SMURF2: variants seen among roughly 807,000 people sequenced by gnomAD.
SMURF2 encodes the protein E3 ubiquitin-protein ligase SMURF2.
Under a neutral mutation model 109.6 loss-of-function variants are expected in SMURF2, and 48 were observed. The observed-to-expected ratio is 0.44, with a 90% confidence interval of 0.35 to 0.56. SMURF2 has a LOEUF of 0.56. SMURF2 is among the 20% of genes least tolerant of loss of function. The pLI, the probability that SMURF2 is intolerant of heterozygous loss-of-function variation, is 0.01. For synonymous variants in SMURF2, 288 were observed against 317.1 expected (o/e 0.91, Z 0.97); for missense variants, 575 against 909.0 (o/e 0.63, Z 4.72).
chr17:64,628,002 A>C (rs1970290162), intron 1 of SMURF2, among the ~76,000 whole-genome samples: 1 of 152,166 alleles, frequency 6.6e-6, no homozygotes, highest in Non-Finnish European at 1.5e-5. Context: ...GTACTTTAAC[A>C]GTTTGGAAGT....
At chr17:64,546,412 T>C (rs1428114659) in intron 17 of SMURF2, 74 bp from the exon 18 acceptor site, 12 of 1,332,528 alleles carry the variant, frequency 9.0e-6, no homozygotes, top group Non-Finnish European at 1.2e-5. Context: ...AGAATAAAAC[T>C]GGTAAGTTAA....
At position 64,593,481 on chromosome 17, in the gene SMURF2, C is replaced by T. The variant is rs1555687852; in HGVS notation, c.293G>A (p.Arg98His). The change falls in exon 4 of 19, where the codon CGT becomes CAT. Residue 98 changes from arginine to histidine, a missense_variant. Arg to His is a conservative substitution (Grantham distance 29, BLOSUM62 0). Transcript: ENST00000262435. ...KQGAGFLGCV[R>H]LLSNAINRLK... ...GCGGTTGATGGCATTGGAAAGAAGA[C>T]GAACACAACCGAGAAATCCAGCACC... The T allele has an allele frequency of 1.9e-6, 3 of 1,610,092 alleles. No homozygotes were observed. The highest frequency in any genetic ancestry group is 1.3e-5 in the African/African-American group (1 of 74,868).
rs1471650587 is a variant in SMURF2, at chr17:64,555,442, A to AT, written c.1610+377dup. On this transcript the variant is annotated intron_variant, in intron 14 of 18. Transcript: ENST00000262435. ...ATCAGTTCTTAGCTTAAATTCAACA[A>AT]TTAGTTCTTATTCTAAAAGTACGGT... 3.9e-5 allele frequency among the ~76,000 whole-genome samples: 6 copies of AT among 152,232 alleles called. No homozygotes were observed. The East Asian group carries it at 1.2e-3, about 29-fold the overall frequency.
At chr17:64,623,780 G>C (rs1555690871) in intron 1 of SMURF2, among the ~76,000 whole-genome samples, 1 of 152,164 alleles carries the variant, frequency 6.6e-6, no homozygotes, top group Non-Finnish European at 1.5e-5. Context: ...AAAAATTACT[G>C]ACAAAAATCT....
intron 1 of SMURF2, among the ~76,000 whole-genome samples, chr17:64,627,834 T>C (rs1970287921): frequency 1.3e-5 from 2 of 152,176 alleles, no homozygotes; most frequent in South Asian, 2.1e-4. Flanking sequence ...ACTCAAAAAT[T>C]TGGCTTTTCT....
At chr17:64,646,770 T>C (rs908302162) in intron 1 of SMURF2, among the ~76,000 whole-genome samples, 3 of 152,188 alleles carry the variant, frequency 2.0e-5, no homozygotes, top group Non-Finnish European at 4.4e-5. Context: ...GCCTGACTTA[T>C]GAAAAGATGC....
chr17:64,577,563 A>C (rs1343098109), intron 9 of SMURF2, among the ~76,000 whole-genome samples: 1 of 150,016 alleles, frequency 6.7e-6, no homozygotes, highest in Non-Finnish European at 1.5e-5. Flanking sequence ...TAAAATAAAT[A>C]AATAAATAAA....
intron 1 of SMURF2, among the ~76,000 whole-genome samples, chr17:64,631,279 G>GGGGGAGAGAGA (rs1970338690): frequency 1.3e-4 from 1 of 7,442 alleles, no homozygotes; most frequent in African/African-American, 5.2e-4. Flanking sequence ...AGAGGGGGGG[G>GGGGGAGAGAGA]GGGAGAGAGA....
At chr17:64,586,031 C>T (rs1969646346) in intron 6 of SMURF2, 55 bp downstream of exon 6, 1 of 1,152,750 alleles carries the variant, frequency 8.7e-7, no homozygotes, top group Non-Finnish European at 1.2e-6. Context: ...TATTTCTATT[C>T]TTTTAAGGAT....
At chr17:64,612,509 CAA>C (rs11308871) in intron 1 of SMURF2, among the ~76,000 whole-genome samples, 22 of 127,216 alleles carry the variant, frequency 1.7e-4, no homozygotes, top group African/African-American at 2.8e-4. Flanking sequence ...ACTAAAAATA[CAA>C]AAAAAAAAAA....
At chr17:64,569,609 A>C (rs1388754763) in intron 10 of SMURF2, among the ~76,000 whole-genome samples, 1 of 152,174 alleles carries the variant, frequency 6.6e-6, no homozygotes, top group Admixed American at 6.5e-5. Flanking sequence ...CCTCATCAGT[A>C]ATTAGGAAAA....
chr17:64,621,004 T>C (rs1025614242), intron 1 of SMURF2, among the ~76,000 whole-genome samples: 3 of 152,158 alleles, frequency 2.0e-5, no homozygotes, highest in Non-Finnish European at 2.9e-5. Context: ...GCCCAACTAC[T>C]TATCTAATAA....
At chr17:64,656,817 G>T (rs1270431348) in intron 1 of SMURF2, among the ~76,000 whole-genome samples, 1 of 152,094 alleles carries the variant, frequency 6.6e-6, no homozygotes, top group Non-Finnish European at 1.5e-5. Flanking sequence ...CAGTCTTCAT[G>T]GTTCCCATTC....
chr17:64,622,600 C>T (rs1278656927), intron 1 of SMURF2, among the ~76,000 whole-genome samples: 3 of 152,006 alleles, frequency 2.0e-5, no homozygotes, highest in East Asian at 1.9e-4. Flanking sequence ...CATGATTAGA[C>T]GGGGTTTATG....
chr17:64,647,473 C>A (rs1970574424), intron 1 of SMURF2, among the ~76,000 whole-genome samples: 1 of 151,906 alleles, frequency 6.6e-6, no homozygotes, highest in Admixed American at 6.6e-5. Context: ...AGGTCAGGAG[C>A]TTGAGACCAG....
intron 2 of SMURF2, among the ~76,000 whole-genome samples, chr17:64,604,132 T>C (rs1555688839): frequency 6.6e-6 from 1 of 152,198 alleles, no homozygotes; most frequent in Non-Finnish European, 1.5e-5. Flanking sequence ...AGTATACATG[T>C]AAATCTACCA....
intron 9 of SMURF2, among the ~76,000 whole-genome samples, chr17:64,575,450 G>A (rs782545489): frequency 7.9e-5 from 12 of 151,758 alleles, no homozygotes; most frequent in Non-Finnish European, 1.2e-4. Context: ...ACCGAGCCCG[G>A]CCCCCACTAC....
At chr17:64,661,510 G>A (rs1323632187) in intron 1 of SMURF2, among the ~76,000 whole-genome samples, 5 of 152,102 alleles carry the variant, frequency 3.3e-5, no homozygotes, top group Non-Finnish European at 7.4e-5. Context: ...TAGCCCAGGG[G>A]CTGTTCCCCG....
intron 10 of SMURF2, among the ~76,000 whole-genome samples, chr17:64,564,091 G>A (rs1969266577): frequency 6.6e-6 from 1 of 152,184 alleles, no homozygotes; most frequent in Admixed American, 6.5e-5. Flanking sequence ...AAAAGATTCT[G>A]CCAAAGAAGC....
Sources: allele counts gnomAD v4.1 joint callset (sites outside exome capture counted in the v4.1 genomes callset), GRCh38; gene constraint gnomAD v4.1.1; transcripts MANE v1.5; gene names NCBI Gene and HGNC (gene_info 2026-07-23, HGNC 2026-07-21).